The following CLEC5A variants were observed in gnomAD, a reference collection of about 807,000 sequenced individuals.
CLEC5A encodes C-type lectin domain family 5 member A.
CLEC5A carries 15 observed loss-of-function variants against 24.4 expected under a neutral mutation model. That is an observed-to-expected ratio of 0.62 (90% CI 0.41 to 0.95). The LOEUF is 0.95. Among genes scored for constraint, CLEC5A ranks in the 40% least tolerant of loss-of-function variants. The pLI is 0.00. For missense variants in CLEC5A, 211 were observed against 224.0 expected, an observed-to-expected ratio of 0.94 and a Z score of 0.37; for synonymous variants, 71 against 72.6, an observed-to-expected ratio of 0.98 and a Z score of 0.11.
rs782717206 is a variant in CLEC5A, at chr7:141,931,749, A to G, written c.423T>C (p.Arg141=). ...CATTGAACACAGAGTTGTTGATCCAACGCCACCTTTTCTCTTCACGATGGT... is the reference window on the plus strand; with the variant it reads ...CATTGAACACAGAGTTGTTGATCCAGCGCCACCTTTTCTCTTCACGATGGT... The part of the protein sequence containing the change: ...LIYHREEKRW[R]WINNSVFNGN... Residue 141 remains arginine, a synonymous_variant, in exon 6 of 7, where the codon CGT becomes CGC. Transcript: ENST00000546910. 40 of 1,599,248 alleles carry G rather than the reference A, an allele frequency of 2.5e-5. No homozygotes were observed. The highest frequency in any genetic ancestry group is 3.0e-5 in the Non-Finnish European group (35 of 1,166,530).
intron 2 of CLEC5A, 69 bp from the exon 3 acceptor site, chr7:141,945,469 C>A (rs1287978654): frequency 1.8e-5 from 19 of 1,058,136 alleles, no homozygotes; most frequent in Non-Finnish European, 2.5e-5. Context: ...AAACAAGTAT[C>A]AGCACAGGGG....
Position 141,946,265 on chromosome 7 carries a change from G to T in CLEC5A, c.28C>A (p.Leu10Ile). 6.4e-7 allele frequency: 1 copy of T among 1,572,368 alleles called. No homozygotes were observed. Among genetic ancestry groups the T allele is most frequent in the Non-Finnish European group, 8.6e-7 (1 of 1,157,628 alleles). The stretch of plus-strand genomic sequence containing the variant: ...ACAACTTTAAGCACTACCACAATAA[G>T]CCCAGAGATGATCATGTGCCAGTTC... MNWHMIISG[L>I]IVVVLKVVGM... The change falls in exon 2 of 7, where the codon CTT becomes ATT. Residue 10 changes from leucine to isoleucine, a missense_variant. Transcript: ENST00000546910.
Position 141,930,056 on chromosome 7 carries a change from G to A in CLEC5A, c.*48C>T, listed in dbSNP as rs1486511325. Reference sequence around the variant, plus strand: ...GAATCATTGGCCAGACGACCTGTATGGATTCAAAAAGAGTTGCAAGTATAG... The same window carrying A: ...GAATCATTGGCCAGACGACCTGTATAGATTCAAAAAGAGTTGCAAGTATAG... On this transcript the variant is annotated 3_prime_UTR_variant, in exon 7 of 7. Coordinates refer to ENST00000546910, the MANE Select transcript of CLEC5A (RefSeq NM_013252.3). 2.8e-6 allele frequency: 4 copies of A among 1,437,634 alleles called. No individual in the cohort carries two copies. The highest frequency in any genetic ancestry group is 4.6e-5 in the East Asian group (2 of 43,808). 89.1% of individuals were successfully genotyped at this position (1,437,634 alleles called of 1,614,324 possible).
At chr7:141,936,261 G>T (rs1023381000) in intron 4 of CLEC5A, 2 of 353,706 alleles carry the variant, frequency 5.7e-6, no homozygotes, top group Admixed American at 4.5e-5. Flanking sequence ...AAAATCAGAT[G>T]AACACTCAGT....
intron 4 of CLEC5A, among the ~76,000 whole-genome samples, chr7:141,938,751 G>A (rs1802700587): frequency 6.6e-6 from 1 of 151,990 alleles, no homozygotes; most frequent in African/African-American, 2.4e-5. Context: ...GAGAAAAGAA[G>A]CAAATAATAT....
chr7:141,931,974 T>G (rs925236071), intron 5 of CLEC5A, 148 bp from the exon 6 acceptor site: 2 of 484,198 alleles, frequency 4.1e-6, no homozygotes, highest in Non-Finnish European at 7.3e-6. Flanking sequence ...CAACTAACCC[T>G]AAAGAAGTCA....
intron 4 of CLEC5A, among the ~76,000 whole-genome samples, chr7:141,941,877 T>A (rs1241359691): frequency 9.9e-5 from 15 of 151,958 alleles, no homozygotes; most frequent in African/African-American, 3.6e-4. Context: ...GCCAAAGAAG[T>A]GAAAGATCTA....
intron 5 of CLEC5A, among the ~76,000 whole-genome samples, chr7:141,934,419 T>C (rs1584845028): frequency 1.3e-5 from 2 of 152,186 alleles, no homozygotes; most frequent in East Asian, 3.9e-4. Flanking sequence ...CTCACCAGTA[T>C]TTGGAATGCA....
chr7:141,941,544 C>T (rs1802797239), intron 4 of CLEC5A, among the ~76,000 whole-genome samples: 1 of 152,088 alleles, frequency 6.6e-6, no homozygotes. Context: ...GCTTTCATCA[C>T]TGTTTTTCAA....
intron 3 of CLEC5A, 72 bp from the exon 4 acceptor site, chr7:141,944,036 G>A (rs1008221864): frequency 1.1e-6 from 1 of 891,008 alleles, no homozygotes; most frequent in African/African-American, 1.6e-5. Flanking sequence ...TCAGAGTATG[G>A]GCTGTGTGAC....
intron 5 of CLEC5A, among the ~76,000 whole-genome samples, chr7:141,933,506 T>G (rs1330586599): frequency 6.7e-6 from 1 of 150,098 alleles, no homozygotes; most frequent in Non-Finnish European, 1.5e-5. Context: ...TACATGGATG[T>G]GCTTTGGTCA....
intron 4 of CLEC5A, among the ~76,000 whole-genome samples, chr7:141,941,015 T>C (rs1287480700): frequency 6.6e-6 from 1 of 152,052 alleles, no homozygotes; most frequent in Non-Finnish European, 1.5e-5. Context: ...GAAGAACTAA[T>C]ACCAATCCTA....
At chr7:141,934,867 T>C (rs1802572901) in intron 5 of CLEC5A, among the ~76,000 whole-genome samples, 1 of 152,150 alleles carries the variant, frequency 6.6e-6, no homozygotes, top group South Asian at 2.1e-4. Flanking sequence ...AAGGAAAAGG[T>C]ACATGGATGT....
chr7:141,932,995 C>G (rs1449736331), intron 5 of CLEC5A, among the ~76,000 whole-genome samples: 1 of 152,128 alleles, frequency 6.6e-6, no homozygotes, highest in African/African-American at 2.4e-5. Context: ...ACTATGAAAC[C>G]ACTGGAATGT....
At chr7:141,936,220 C>T (rs1554441071) in intron 4 of CLEC5A, 2 of 446,732 alleles carry the variant, frequency 4.5e-6, no homozygotes, top group African/African-American at 4.0e-5. Context: ...TATCTACACA[C>T]AAAAAAGCAC....
intron 4 of CLEC5A, among the ~76,000 whole-genome samples, chr7:141,939,589 TA>T (rs1347605990): frequency 1.3e-5 from 2 of 152,096 alleles, no homozygotes; most frequent in Admixed American, 1.3e-4. Flanking sequence ...TACTTATTAA[TA>T]ATAATATTGA....
intron 6 of CLEC5A, 134 bp downstream of exon 6, chr7:141,931,586 G>T: frequency 1.7e-6 from 1 of 597,392 alleles, no homozygotes. Flanking sequence ...GAATAGATGG[G>T]TTGGAAGAAA....
rs1554442038 is a variant in CLEC5A, at chr7:141,945,383, T to C, written c.97A>G (p.Lys33Glu). The change falls in exon 3 of 7, where the codon AAA (lysine) becomes GAA (glutamate). Residue 33 changes from lysine (K) to glutamate (E), a missense_variant. Coordinates refer to ENST00000546910, the MANE Select transcript of CLEC5A (RefSeq NM_013252.3). ...GTGGTGGTGAAACCATCGTTACTTT[T>C]GTTAAAAATCTGTGGGACTGAAAAG... ...FLLYFPQIFN[K>E]SNDGFTTTRS... The C allele has an allele frequency of 6.2e-7, 1 of 1,613,214 alleles. No homozygotes were observed.
At chr7:141,939,191 A>G (rs1554441404) in intron 4 of CLEC5A, among the ~76,000 whole-genome samples, 1 of 152,234 alleles carries the variant, frequency 6.6e-6, no homozygotes, top group African/African-American at 2.4e-5. Flanking sequence ...TGAACCAATA[A>G]AAATGATAAC....
Sources: allele counts gnomAD v4.1 joint callset (sites outside exome capture counted in the v4.1 genomes callset), GRCh38; gene constraint gnomAD v4.1.1; transcripts MANE v1.5; gene names NCBI Gene and HGNC (gene_info 2026-07-23, HGNC 2026-07-21).